PTPRO: variants seen among roughly 807,000 people sequenced by gnomAD.
PTPRO encodes the protein receptor-type tyrosine-protein phosphatase O.
Under a neutral mutation model 145.2 loss-of-function variants are expected in PTPRO, and 62 were observed. That is an observed-to-expected ratio of 0.43 (90% CI 0.35 to 0.53). The LOEUF (loss-of-function observed/expected upper bound fraction) is 0.53. PTPRO is among the 20% of genes least tolerant of loss of function. The pLI, the probability that PTPRO is intolerant of heterozygous loss-of-function variation, is 0.01. For synonymous variants in PTPRO, 565 were observed against 514.7 expected (o/e 1.10, Z -1.32); for missense variants, 1,345 against 1,482.7 (o/e 0.91, Z 1.53).
chr12:15,509,463 G>A (rs111682840), intron 7 of PTPRO, among the ~76,000 whole-genome samples: 8 of 151,794 alleles, frequency 5.3e-5, no homozygotes, highest in East Asian at 1.9e-4. Context: ...TTGGAAGGCC[G>A]AGGCGGGTGG....
At chr12:15,513,836 T>G (rs962926124) in intron 7 of PTPRO, among the ~76,000 whole-genome samples, 13 of 152,254 alleles carry the variant, frequency 8.5e-5, no homozygotes, top group African/African-American at 2.9e-4. Context: ...TATATAATTT[T>G]ATTACCTATA....
At chr12:15,505,703 G>A (rs1316467193) in intron 6 of PTPRO, among the ~76,000 whole-genome samples, 2 of 152,160 alleles carry the variant, frequency 1.3e-5, no homozygotes, top group African/African-American at 4.8e-5. Context: ...GGGTAAATGA[G>A]CAAAAATTAG....
In PTPRO at chr12:15,588,793, A is replaced by T. The variant is rs77675805; in HGVS notation, c.3411-662A>T. Among the ~76,000 whole-genome samples, 1,295 of 152,338 alleles carry T rather than the reference A, an allele frequency of 8.5e-3. 18 individuals are homozygous for T. Among genetic ancestry groups the T allele is most frequent in the African/African-American group, 0.028 (1,152 of 41,566 alleles). ...AAAAGACAGGGTATTGTTTATGTGT[A>T]TCAGCTCTCTGAATTCAGAAATCAG... On this transcript the variant is annotated intron_variant, in intron 24 of 26. Coordinates refer to ENST00000281171, the MANE Select transcript of PTPRO (RefSeq NM_030667.3).
Position 15,398,837 on chromosome 12 carries a change from G to A in PTPRO, c.75+76036G>A, listed in dbSNP as rs190750741. ...GGGGCATATCAAATCATTGTACCAT[G>A]AGTGTATTAATTCAGGATCAAAACC... On this transcript the variant is annotated intron_variant, in intron 1 of 26. Transcript: ENST00000281171. Among the ~76,000 whole-genome samples the A allele has an allele frequency of 3.7e-3, 566 of 152,266 alleles. 6 individuals are homozygous for A. Among genetic ancestry groups the A allele is most frequent in the Non-Finnish European group, 5.4e-3 (368 of 68,018 alleles).
Position 15,578,897 on chromosome 12 carries a change from T to A in PTPRO, c.2874T>A (p.Asp958Glu). 6.2e-7 allele frequency: 1 copy of A among 1,608,196 alleles called. No individual in the cohort carries two copies. The highest frequency in any genetic ancestry group is 8.5e-7 in the Non-Finnish European group (1 of 1,174,620). ...IGLDIPHFAA[D>E]LPLNRCKNRY... ...TGGATATCCCACACTTTGCTGCAGATCTTCCACTGAATCGATGTAAAAACC... is the reference window on the plus strand; with the variant it reads ...TGGATATCCCACACTTTGCTGCAGAACTTCCACTGAATCGATGTAAAAACC... Residue 958 changes from aspartate (D) to glutamate (E), a missense_variant, in exon 20 of 27, where the codon GAT (aspartate) becomes GAA (glutamate). By Grantham distance (45) the Asp-to-Glu change is conservative. Transcript: ENST00000281171.
chr12:15,542,133 C>A (rs1355861051), intron 12 of PTPRO, among the ~76,000 whole-genome samples: 2 of 152,172 alleles, frequency 1.3e-5, no homozygotes, highest in African/African-American at 2.4e-5. Context: ...CCTTTGATGT[C>A]ATTGTATTCC....
intron 1 of PTPRO, chr12:15,439,744 G>A: frequency 1.8e-6 from 1 of 559,544 alleles, no homozygotes; most frequent in Non-Finnish European, 3.4e-6. Flanking sequence ...AGGACATGAA[G>A]ATCAAGTCCC....
intron 1 of PTPRO, among the ~76,000 whole-genome samples, chr12:15,444,679 C>T (rs907292875): frequency 4.0e-5 from 6 of 151,800 alleles, no homozygotes; most frequent in Admixed American, 6.6e-5. Context: ...AAAGGAGGCC[C>T]CAGAGAGATC....
chr12:15,573,749 C>G (rs1357530011), intron 19 of PTPRO, among the ~76,000 whole-genome samples: 1 of 152,138 alleles, frequency 6.6e-6, no homozygotes, highest in Non-Finnish European at 1.5e-5. Flanking sequence ...AGTCCTCAGT[C>G]CCATTCTGCC....
chr12:15,509,358 G>C (rs1294658125), intron 7 of PTPRO, among the ~76,000 whole-genome samples: 3 of 143,218 alleles, frequency 2.1e-5, no homozygotes, highest in Non-Finnish European at 4.5e-5. Context: ...TACTGTAAAA[G>C]TAACGCATTC....
At position 15,383,654 on chromosome 12, in the gene PTPRO, C is replaced by T. The variant is rs536237726; in HGVS notation, c.75+60853C>T. Among the ~76,000 whole-genome samples, 71 of 152,274 alleles carry T rather than the reference C, an allele frequency of 4.7e-4. No individual in the cohort carries two copies. In the South Asian group the frequency reaches 0.014, roughly 30 times the overall value. ...AGAAGCTACAGGCAAAGACATAAAT[C>T]AACATATGCAAAACATGCATTGTTT... On this transcript the variant is annotated intron_variant, in intron 1 of 26. Coordinates refer to ENST00000281171, the MANE Select transcript of PTPRO (RefSeq NM_030667.3).
At chr12:15,448,339 T>TAAAAAAAAAAAAA (rs56136736) in intron 1 of PTPRO, among the ~76,000 whole-genome samples, 2,749 of 44,984 alleles carry the variant, frequency 0.061, 1,049 homozygotes, top group Non-Finnish European at 0.089. Flanking sequence ...CTGTTCCTAG[T>TAAAAAAAAAAAAA]AAAAAAAAAA....
chr12:15,372,666 G>C (rs957592642), intron 1 of PTPRO, among the ~76,000 whole-genome samples: 1 of 152,180 alleles, frequency 6.6e-6, no homozygotes, highest in Non-Finnish European at 1.5e-5. Flanking sequence ...TACCACGCAA[G>C]ACATTGCCTA....
At chr12:15,335,067 T>A (rs1172035574) in intron 1 of PTPRO, among the ~76,000 whole-genome samples, 1 of 152,146 alleles carries the variant, frequency 6.6e-6, no homozygotes, top group Non-Finnish European at 1.5e-5. Context: ...TACTATGAGC[T>A]TTCTACTTAC....
chr12:15,500,676 C>T (rs1942202239), intron 4 of PTPRO, among the ~76,000 whole-genome samples: 1 of 152,110 alleles, frequency 6.6e-6, no homozygotes, highest in African/African-American at 2.4e-5. Context: ...AATCCCAGCA[C>T]TTTGGGAGGC....
chr12:15,579,000 T>C, intron 20 of PTPRO, 57 bp downstream of exon 20: 4 of 1,420,898 alleles, frequency 2.8e-6, no homozygotes, highest in Non-Finnish European at 2.0e-6. Context: ...AGGACTGTCA[T>C]TGCAGATTAA....
intron 1 of PTPRO, among the ~76,000 whole-genome samples, chr12:15,476,022 A>G (rs1289209944): frequency 2.0e-5 from 3 of 152,204 alleles, no homozygotes; most frequent in African/African-American, 7.2e-5. Flanking sequence ...GAAGAGAAGA[A>G]AAGATAAAAT....
chr12:15,472,792 G>T (rs1941571401), intron 1 of PTPRO, among the ~76,000 whole-genome samples: 1 of 152,214 alleles, frequency 6.6e-6, no homozygotes, highest in East Asian at 1.9e-4. Flanking sequence ...CTTTGGATGA[G>T]TGTGACCAGG....
intron 1 of PTPRO, among the ~76,000 whole-genome samples, chr12:15,385,320 G>A (rs941633264): frequency 3.3e-5 from 5 of 152,128 alleles, no homozygotes; most frequent in South Asian, 2.1e-4. Flanking sequence ...GAAGTATAAC[G>A]TTGATGCTTC....
Sources: allele counts gnomAD v4.1 joint callset (sites outside exome capture counted in the v4.1 genomes callset), GRCh38; gene constraint gnomAD v4.1.1; transcripts MANE v1.5; gene names NCBI Gene and HGNC (gene_info 2026-07-23, HGNC 2026-07-21).